Variants in LEMD3 observed in about 807,000 individuals in gnomAD.
LEMD3 encodes LEM domain containing 3.
LEMD3 carries 33 observed loss-of-function variants against 95.2 expected under a neutral mutation model. That is an observed-to-expected ratio of 0.35 (90% CI 0.26 to 0.46). The LOEUF (loss-of-function observed/expected upper bound fraction) is 0.46. Among genes scored for constraint, LEMD3 ranks in the 20% least tolerant of loss-of-function variants. The pLI is 1.00. For synonymous variants in LEMD3, 525 were observed against 474.6 expected (o/e 1.11, Z -1.38); for missense variants, 1,210 against 1,192.8 (o/e 1.01, Z -0.21).
chr12:65,194,544 C>G (rs1442192166), intron 1 of LEMD3, among the ~76,000 whole-genome samples: 1 of 151,278 alleles, frequency 6.6e-6, no homozygotes, highest in South Asian at 2.1e-4. Context: ...AGTCAAGGGT[C>G]GTGGGTCTGG....
At chr12:65,210,451 GTAA>G (rs1295052895) in intron 1 of LEMD3, among the ~76,000 whole-genome samples, 1 of 152,128 alleles carries the variant, frequency 6.6e-6, no homozygotes, top group Non-Finnish European at 1.5e-5. Context: ...GTCATTAGCA[GTAA>G]TAATAATGGA....
chr12:65,203,025 C>T (rs868066475), intron 1 of LEMD3, among the ~76,000 whole-genome samples: 2 of 151,984 alleles, frequency 1.3e-5, no homozygotes, highest in East Asian at 1.9e-4. Context: ...CTATAGATTT[C>T]CTGTTTTTTA....
At chr12:65,213,041 A>G (rs115461125) in intron 2 of LEMD3, among the ~76,000 whole-genome samples, 2,691 of 152,254 alleles carry the variant, frequency 0.018, 79 homozygotes, top group African/African-American at 0.06. Context: ...ATGTATCATC[A>G]TGCCACTGCA....
At chr12:65,219,221 A>G (rs1341489705) in intron 4 of LEMD3, among the ~76,000 whole-genome samples, 1 of 152,208 alleles carries the variant, frequency 6.6e-6, no homozygotes, top group African/African-American at 2.4e-5. Context: ...GTAAATATCT[A>G]ACCATTTATT....
chr12:65,234,925 T>C (rs901406327), intron 4 of LEMD3, among the ~76,000 whole-genome samples: 26 of 152,300 alleles, frequency 1.7e-4, no homozygotes, highest in African/African-American at 5.1e-4. Flanking sequence ...TTTTATGTTA[T>C]CTGAAACTTA....
At chr12:65,191,332 A>C (rs529588214) in intron 1 of LEMD3, among the ~76,000 whole-genome samples, 1 of 152,246 alleles carries the variant, frequency 6.6e-6, no homozygotes, top group South Asian at 2.1e-4. Context: ...ATCGACAAGG[A>C]AATTTTATTT....
chr12:65,214,424 C>CAAGTA (rs1412429715), intron 2 of LEMD3, among the ~76,000 whole-genome samples: 3 of 152,156 alleles, frequency 2.0e-5, no homozygotes, highest in African/African-American at 7.2e-5. Context: ...CGTAGGAAGG[C>CAAGTA]AAGTAGTAAA....
intron 4 of LEMD3, among the ~76,000 whole-genome samples, chr12:65,226,082 T>TG (rs1249722302): frequency 6.6e-6 from 1 of 152,180 alleles, no homozygotes; most frequent in East Asian, 1.9e-4. Context: ...CATGCCGAGC[T>TG]GGGGGTAGGG....
chr12:65,170,346 C>G lies in LEMD3; in HGVS notation c.750C>G (p.Val250=), dbSNP rs148964879. The G allele has an allele frequency of 6.7e-5, 107 of 1,608,176 alleles. No homozygotes were observed. In the African/African-American group the frequency reaches 1.1e-3, roughly 16 times the overall value. Residue 250 remains valine, a synonymous_variant, in exon 1 of 13, where the codon GTC becomes GTG. Coordinates refer to ENST00000308330, the MANE Select transcript of LEMD3 (RefSeq NM_014319.5). ...GGACCGTGAATGGCAGCCGGCTTGT[C>G]CCCTACAGCTGCCGGGAAAACTATT... is the stretch of plus-strand genomic sequence containing the variant. ...ASRTVNGSRL[V]PYSCRENYSD... is the part of the protein sequence containing the mutation.
At chr12:65,229,201 G>A (rs761660387) in intron 4 of LEMD3, among the ~76,000 whole-genome samples, 2 of 152,070 alleles carry the variant, frequency 1.3e-5, no homozygotes, top group Non-Finnish European at 2.9e-5. Flanking sequence ...CAAGTGCATC[G>A]GTGTTGATGT....
chr12:65,188,510 G>A (rs770222787), intron 1 of LEMD3, among the ~76,000 whole-genome samples: 8 of 152,116 alleles, frequency 5.3e-5, no homozygotes, highest in Non-Finnish European at 1.2e-4. Context: ...GAAGTTAGTT[G>A]GTGGTTTCTG....
At chr12:65,178,004 C>G (rs1447650792) in intron 1 of LEMD3, among the ~76,000 whole-genome samples, 2 of 152,014 alleles carry the variant, frequency 1.3e-5, no homozygotes, top group Non-Finnish European at 2.9e-5. Context: ...ATCACCACAT[C>G]TGGCAAATTT....
rs1194153115 is a variant in LEMD3 at position 65,246,649 on chromosome 12, A to C, written c.*324A>C. 3.2e-6 allele frequency: 1 copy of C among 310,970 alleles called. No homozygotes were observed. Among genetic ancestry groups the C allele is most frequent in the Non-Finnish European group, 6.1e-6 (1 of 164,618 alleles). The allele number at this position is 310,970 out of a possible 1,614,324, so 19.3% of individuals were successfully genotyped here. On this transcript the variant is annotated 3_prime_UTR_variant, in exon 13 of 13. Transcript: ENST00000308330. ...CAAGAAGTGTTTGGATAACCACACA[A>C]AAGCATGATGAAAAGGCTTCTTGTA...
Position 65,247,443 on chromosome 12 carries a change from A to G in LEMD3, c.*1118A>G, listed in dbSNP as rs886629597. On this transcript the variant is annotated 3_prime_UTR_variant, in exon 13 of 13. Transcript: ENST00000308330. ...GTGTATTTGACAAATTATACTTGCA[A>G]TTTTGGGTCATGAAAGTTTGCAATA... is the stretch of plus-strand genomic sequence containing the variant. 6.6e-6 allele frequency: 1 copy of G among 152,460 alleles called. No homozygotes were observed. Among genetic ancestry groups the G allele is most frequent in the Admixed American group, 6.6e-5 (1 of 15,266 alleles). The allele number at this position is 152,460 out of a possible 1,614,324, so 9.4% of individuals were successfully genotyped here.
intron 10 of LEMD3, among the ~76,000 whole-genome samples, chr12:65,244,403 C>T (rs1034447536): frequency 1.3e-5 from 2 of 151,834 alleles, no homozygotes; most frequent in African/African-American, 4.8e-5. Context: ...TTGGCAAGTC[C>T]ACTATTTTAT....
chr12:65,233,685 G>A lies in LEMD3; in HGVS notation c.1696-4817G>A, dbSNP rs150631968. Among the ~76,000 whole-genome samples, 117 of 152,202 alleles carry A rather than the reference G, an allele frequency of 7.7e-4. No individual in the cohort carries two copies. In the East Asian group the frequency reaches 0.02, roughly 26 times the overall value. The stretch of plus-strand genomic sequence containing the variant: ...CAGTTTCATAAACTATCCATATTAG[G>A]TTTTTAGTCCTTGCTTGATTTCTCC... On this transcript the variant is annotated intron_variant, in intron 4 of 12. Transcript: ENST00000308330.
At chr12:65,171,410 T>G (rs1320453109) in intron 1 of LEMD3, 1 of 400,544 alleles carries the variant, frequency 2.5e-6, no homozygotes. Flanking sequence ...ACAATTCTCT[T>G]TTAGCCCTGA....
intron 4 of LEMD3, among the ~76,000 whole-genome samples, chr12:65,232,271 C>T (rs1367056025): frequency 1.3e-5 from 2 of 152,088 alleles, no homozygotes; most frequent in Admixed American, 6.6e-5. Flanking sequence ...GGGCCTTCTG[C>T]TTATGAGAAA....
At chr12:65,179,101 A>C (rs933568736) in intron 1 of LEMD3, among the ~76,000 whole-genome samples, 25 of 152,162 alleles carry the variant, frequency 1.6e-4, no homozygotes, top group African/African-American at 6.0e-4. Context: ...TCTAATTTTT[A>C]AAATATTTGC....
Sources: allele counts gnomAD v4.1 joint callset (sites outside exome capture counted in the v4.1 genomes callset), GRCh38; gene constraint gnomAD v4.1.1; transcripts MANE v1.5; gene names NCBI Gene and HGNC (gene_info 2026-07-23, HGNC 2026-07-21).